CCDC171: variants seen among roughly 807,000 people sequenced by gnomAD.
CCDC171 encodes coiled-coil domain-containing protein 171.
A neutral mutation model predicts 168.2 loss-of-function variants in CCDC171; 177 were observed. The ratio of observed to expected loss-of-function variants is 1.05; its 90% CI spans 0.93 to 1.19. The LOEUF is 1.19. Among genes scored for constraint, CCDC171 ranks in the 50% most tolerant of loss-of-function variants. CCDC171 has a pLI of 0.00. For missense variants in CCDC171, 1,991 were observed against 1,539.0 expected, an observed-to-expected ratio of 1.29 and a Z score of -4.91; for synonymous variants, 687 against 540.8, an observed-to-expected ratio of 1.27 and a Z score of -3.75.
chr9:16,072,600 T>G, the CCDC171 span, among the ~76,000 whole-genome samples: 11 of 152,304 alleles, frequency 7.2e-5, no homozygotes, highest in Admixed American at 2.0e-4. Context: ...CATGGCACAC[T>G]GGCTTTTGGC....
chr9:16,048,737 C>G (rs1436820034), intron 1 of CCDC171, among the ~76,000 whole-genome samples: 2 of 152,016 alleles, frequency 1.3e-5, no homozygotes, highest in Admixed American at 1.3e-4. Context: ...TATGCCTCTG[C>G]TCTGTCATCT....
intron 6 of CCDC171, among the ~76,000 whole-genome samples, chr9:15,610,457 A>AC: frequency 1.6e-5 from 2 of 127,140 alleles, no homozygotes; most frequent in Non-Finnish European, 3.3e-5. Flanking sequence ...AAAAAAAAAA[A>AC]AAAAAAAAAA....
intron 18 of CCDC171, among the ~76,000 whole-genome samples, chr9:15,764,908 G>C (rs1010209719): frequency 6.6e-6 from 1 of 152,158 alleles, no homozygotes; most frequent in African/African-American, 2.4e-5. Context: ...ATAGCTAGAA[G>C]AGCTCTGAGG....
chr9:16,078,732 G>A, the CCDC171 span, among the ~76,000 whole-genome samples: 59 of 152,032 alleles, frequency 3.9e-4, no homozygotes, highest in African/African-American at 1.3e-3. Flanking sequence ...TCACCTCTCC[G>A]TTCCCTCACA....
intron 25 of CCDC171, among the ~76,000 whole-genome samples, chr9:15,931,456 CTTT>C (rs57124025): frequency 4.4e-5 from 2 of 44,992 alleles, no homozygotes; most frequent in African/African-American, 8.1e-5. Flanking sequence ...TTCTTTCTTT[CTTT>C]TTTTTTTTTT....
chr9:15,666,714 A>G (rs6474942), intron 9 of CCDC171, among the ~76,000 whole-genome samples: 72,646 of 151,870 alleles, frequency 0.48, 17,793 homozygotes, highest in East Asian at 0.77. Flanking sequence ...AGTCCCAGCT[A>G]CTCGAGAGGC....
chr9:15,856,404 A>G (rs926573222), intron 23 of CCDC171, among the ~76,000 whole-genome samples: 1 of 151,948 alleles, frequency 6.6e-6, no homozygotes, highest in Non-Finnish European at 1.5e-5. Context: ...CGACTATTTT[A>G]GATACGTCAT....
intron 3 of CCDC171, among the ~76,000 whole-genome samples, chr9:15,572,698 A>G (rs773182073): frequency 1.4e-4 from 21 of 152,170 alleles, no homozygotes; most frequent in Non-Finnish European, 2.5e-4. Context: ...CTTCCACAAC[A>G]TGTTGCTGTT....
the CCDC171 span, among the ~76,000 whole-genome samples, chr9:16,073,084 C>G: frequency 1.3e-5 from 2 of 152,270 alleles, no homozygotes; most frequent in African/African-American, 4.8e-5. Context: ...TTTTAAAAAT[C>G]TCTATTTTGC....
intron 10 of CCDC171, among the ~76,000 whole-genome samples, chr9:15,694,419 G>T (rs1412192887): frequency 1.3e-5 from 2 of 152,084 alleles, no homozygotes; most frequent in Non-Finnish European, 2.9e-5. Context: ...CTGGTGTAGA[G>T]TGTCTTAGGT....
chr9:15,755,372 A>G (rs2056038931), intron 18 of CCDC171, among the ~76,000 whole-genome samples: 1 of 152,218 alleles, frequency 6.6e-6, no homozygotes, highest in African/African-American at 2.4e-5. Context: ...CTGGAAGTTC[A>G]TTAAAAAGTT....
At chr9:16,034,488 T>G (rs1450372120) in intron 6 of CCDC171, among the ~76,000 whole-genome samples, 1 of 152,192 alleles carries the variant, frequency 6.6e-6, no homozygotes, top group Non-Finnish European at 1.5e-5. Context: ...GTAATTTGAT[T>G]TGAGCTGAGA....
At chr9:15,630,890 T>G (rs963748748) in intron 7 of CCDC171, among the ~76,000 whole-genome samples, 3 of 152,064 alleles carry the variant, frequency 2.0e-5, no homozygotes, top group Non-Finnish European at 4.4e-5. Context: ...CTCAACTACA[T>G]GGAAACTGAA....
intron 24 of CCDC171, among the ~76,000 whole-genome samples, chr9:15,898,599 C>T (rs565964103): frequency 6.6e-6 from 1 of 152,214 alleles, no homozygotes; most frequent in African/African-American, 2.4e-5. Context: ...GTTTTATTCT[C>T]TTCTTGTTTA....
chr9:15,607,137 C>A (rs1323454543), intron 6 of CCDC171, among the ~76,000 whole-genome samples: 1 of 151,988 alleles, frequency 6.6e-6, no homozygotes. Flanking sequence ...AACATACAAC[C>A]CCCCCAGGGA....
intron 11 of CCDC171, among the ~76,000 whole-genome samples, chr9:15,715,407 C>G (rs1253985994): frequency 1.3e-5 from 2 of 152,170 alleles, no homozygotes; most frequent in South Asian, 2.1e-4. Context: ...GTCTAACTGC[C>G]AATAAAATGT....
At chr9:15,873,508 T>TATA (rs1447867703) in intron 23 of CCDC171, among the ~76,000 whole-genome samples, 2 of 152,074 alleles carry the variant, frequency 1.3e-5, no homozygotes, top group African/African-American at 4.8e-5. Flanking sequence ...GTATAATATT[T>TATA]ATTAAGTATA....
chr9:15,694,477 T>C (rs1228180868), intron 10 of CCDC171, among the ~76,000 whole-genome samples: 1 of 152,202 alleles, frequency 6.6e-6, no homozygotes, highest in East Asian at 1.9e-4. Flanking sequence ...TGATACCTCC[T>C]GCCAAAAAGA....
At chr9:15,840,176 T>C (rs2060617333) in intron 21 of CCDC171, among the ~76,000 whole-genome samples, 1 of 152,096 alleles carries the variant, frequency 6.6e-6, no homozygotes, top group Non-Finnish European at 1.5e-5. Flanking sequence ...ATTCTCGAAG[T>C]TGAAAGATTT....
Sources: gnomAD v4.1 joint callset for allele counts (sites outside exome capture counted in the v4.1 genomes callset) on GRCh38, gnomAD v4.1.1 for gene constraint, MANE v1.5 for transcripts, NCBI Gene and HGNC (gene_info 2026-07-23, HGNC 2026-07-21) for gene names.